The following KAT6B variants were observed in gnomAD, a reference collection of about 807,000 sequenced individuals.
KAT6B encodes the protein lysine acetyltransferase 6B, also known as histone acetyltransferase KAT6B.
Under a neutral mutation model 187.5 loss-of-function variants are expected in KAT6B, and 10 were observed. The observed-to-expected ratio is 0.05, with a 90% confidence interval of 0.03 to 0.09. The LOEUF is 0.09. Ranked by LOEUF, KAT6B falls within the 10% of genes least tolerant of loss-of-function variation. KAT6B has a pLI of 1.00. For synonymous variants in KAT6B, 861 were observed against 926.8 expected (o/e 0.93, Z 1.29); for missense variants, 1,952 against 2,558.9 (o/e 0.76, Z 5.12).
rs777249348 is a variant in KAT6B, at chr10:75,020,677, G to A, written c.2725G>A (p.Val909Ile). The change falls in exon 14 of 18, where the codon GTC (valine) becomes ATC (isoleucine). Residue 909 changes from valine to isoleucine, a missense_variant. Transcript: ENST00000287239. ...CTCCTACCTGGCATATTGGAAGAGC[G>A]TCATCTTGGAGTATCTCTACCACCA... The part of the protein sequence containing the change: ...RLSYLAYWKS[V>I]ILEYLYHHHE... 13 of 1,614,162 alleles carry A rather than the reference G, an allele frequency of 8.1e-6. No individual in the cohort carries two copies. In the Admixed American group the frequency reaches 8.3e-5, roughly 10 times the overall value.
At chr10:74,979,954 TGCAAGACCAGCCTG>T (rs1318856997) in intron 10 of KAT6B, among the ~76,000 whole-genome samples, 2 of 152,166 alleles carry the variant, frequency 1.3e-5, no homozygotes, top group African/African-American at 4.8e-5. Flanking sequence ...AGGTTAGGTG[TGCAAGACCAGCCTG>T]GCCAACATGG....
At chr10:74,865,248 GTATAGTT>G (rs2132333893) in intron 3 of KAT6B, among the ~76,000 whole-genome samples, 1 of 152,322 alleles carries the variant, frequency 6.6e-6, no homozygotes, top group Admixed American at 6.5e-5. Flanking sequence ...GCATATTACT[GTATAGTT>G]TGACAGTGGT....
At chr10:74,894,639 G>A (rs1199749877) in intron 3 of KAT6B, among the ~76,000 whole-genome samples, 1 of 152,010 alleles carries the variant, frequency 6.6e-6, no homozygotes, top group Non-Finnish European at 1.5e-5. Context: ...GATTACTTTC[G>A]ATAACTCACA....
chr10:74,934,822 T>C (rs1849126172), intron 3 of KAT6B, among the ~76,000 whole-genome samples: 1 of 152,196 alleles, frequency 6.6e-6, no homozygotes, highest in Non-Finnish European at 1.5e-5. Flanking sequence ...TTCATTCAGG[T>C]CTGACAATAA....
At chr10:74,995,916 G>A (rs898728852) in intron 13 of KAT6B, among the ~76,000 whole-genome samples, 17 of 152,168 alleles carry the variant, frequency 1.1e-4, no homozygotes, top group African/African-American at 3.4e-4. Context: ...TCTTTTACTC[G>A]GGCCTGCAGA....
intron 13 of KAT6B, among the ~76,000 whole-genome samples, chr10:75,011,129 T>G (rs76891180): frequency 0.025 from 3,788 of 152,232 alleles, 87 homozygotes; most frequent in South Asian, 0.036. Context: ...TAGTGAAAAC[T>G]GAAGAATTAA....
chr10:74,972,131 A>AT (rs199887607), intron 6 of KAT6B, among the ~76,000 whole-genome samples: 2,636 of 151,636 alleles, frequency 0.017, 40 homozygotes, highest in Non-Finnish European at 0.029. Flanking sequence ...TGATAAGACA[A>AT]TTTTTTTTTC....
intron 2 of KAT6B, among the ~76,000 whole-genome samples, chr10:74,841,230 C>G (rs1841722896): frequency 6.6e-6 from 1 of 152,184 alleles, no homozygotes; most frequent in Admixed American, 6.5e-5. Flanking sequence ...GCAGAACTAG[C>G]TAGAGCAGGC....
chr10:74,980,332 C>A (rs971992939), intron 10 of KAT6B, among the ~76,000 whole-genome samples: 2 of 152,154 alleles, frequency 1.3e-5, no homozygotes, highest in African/African-American at 4.8e-5. Context: ...TTTTAGTCTG[C>A]AAAGTTTTCA....
Position 74,989,072 on chromosome 10 carries a change from G to A in KAT6B, c.2589G>A (p.Gln863=), listed in dbSNP as rs374921300. The part of the protein sequence containing the change: ...YNVSCIMIMP[Q]HQRQGFGRFL... ...TCTCCTGCATAATGATCATGCCCCA[G>A]CACCAAAGGCAAGGATTTGGACGGT... The change falls in exon 13 of 18, where the codon CAG becomes CAA. Residue 863 remains glutamine, a synonymous_variant. Transcript: ENST00000287239. The A allele has an allele frequency of 1.2e-6, 2 of 1,613,890 alleles. No individual in the cohort carries two copies. Among genetic ancestry groups the A allele is most frequent in the African/African-American group, 2.7e-5 (2 of 74,912 alleles).
At chr10:74,857,896 A>G (rs1434416469) in intron 3 of KAT6B, among the ~76,000 whole-genome samples, 1 of 152,152 alleles carries the variant, frequency 6.6e-6, no homozygotes, top group Non-Finnish European at 1.5e-5. Context: ...ATGGCACAGA[A>G]CTGTAGTCCT....
chr10:74,909,409 T>C (rs1847030547), intron 3 of KAT6B, among the ~76,000 whole-genome samples: 1 of 152,232 alleles, frequency 6.6e-6, no homozygotes, highest in Non-Finnish European at 1.5e-5. Flanking sequence ...CAAGGCCTTT[T>C]CCCTTATATC....
intron 5 of KAT6B, 82 bp from the exon 6 acceptor site, chr10:74,969,938 A>T: frequency 1.9e-6 from 2 of 1,076,616 alleles, no homozygotes; most frequent in Non-Finnish European, 2.8e-6. Context: ...TATTGTATTA[A>T]TGTTAATCCA....
intron 3 of KAT6B, among the ~76,000 whole-genome samples, chr10:74,880,853 C>T (rs1470114121): frequency 6.6e-6 from 1 of 152,018 alleles, no homozygotes; most frequent in Admixed American, 6.5e-5. Context: ...TGGGCTCAAG[C>T]AATCCTCCTG....
intron 3 of KAT6B, among the ~76,000 whole-genome samples, chr10:74,874,642 A>G (rs921603195): frequency 6.6e-5 from 10 of 152,068 alleles, no homozygotes; most frequent in African/African-American, 2.4e-5. Context: ...CGGCCTCCCA[A>G]AGTGCTGGGA....
chr10:74,995,774 A>G (rs879253514), intron 13 of KAT6B, among the ~76,000 whole-genome samples: 1 of 152,236 alleles, frequency 6.6e-6, no homozygotes, highest in East Asian at 1.9e-4. Flanking sequence ...GCAGTTTAAA[A>G]AGTAGTGTCA....
Position 74,952,423 on chromosome 10 carries a change from G to A in KAT6B, c.622-7547G>A, listed in dbSNP as rs797000036. 3.9e-5 allele frequency among the ~76,000 whole-genome samples: 6 copies of A among 152,162 alleles called. No individual in the cohort carries two copies. In the East Asian group the frequency reaches 1.2e-3, roughly 29 times the overall value. ...TACAGTTTCAGAGAGGGATGGTCAG[G>A]GACAGCCTTTCTGCTGAGGTATATC... On this transcript the variant is annotated intron_variant, in intron 3 of 17. Transcript: ENST00000287239.
At chr10:74,859,699 A>G (rs1002198374) in intron 3 of KAT6B, among the ~76,000 whole-genome samples, 2 of 152,206 alleles carry the variant, frequency 1.3e-5, no homozygotes, top group Non-Finnish European at 2.9e-5. Flanking sequence ...GATAAAAAAG[A>G]TGATTTTTTC....
chr10:74,871,024 C>G (rs1843905541), intron 3 of KAT6B, among the ~76,000 whole-genome samples: 1 of 150,614 alleles, frequency 6.6e-6, no homozygotes. Flanking sequence ...ATTACAGGTG[C>G]CCAGCACCAC....
Sources: allele counts gnomAD v4.1 joint callset (sites outside exome capture counted in the v4.1 genomes callset), GRCh38; gene constraint gnomAD v4.1.1; transcripts MANE v1.5; gene names NCBI Gene and HGNC (gene_info 2026-07-23, HGNC 2026-07-21).